The following EXOC4 variants were observed in gnomAD, a reference collection of about 807,000 sequenced individuals.
EXOC4 encodes SEC8-like 1.
In EXOC4, 71 loss-of-function variants were observed where a neutral mutation model predicts 107.2. The ratio of observed to expected loss-of-function variants is 0.66; its 90% CI spans 0.55 to 0.81. The LOEUF is 0.81. Ranked by LOEUF, EXOC4 falls within the 30% of genes least tolerant of loss-of-function variation. The pLI is 0.00. For synonymous variants in EXOC4, 456 were observed against 441.2 expected, an observed-to-expected ratio of 1.03 and a Z score of -0.42; for missense variants, 1,108 against 1,189.6, an observed-to-expected ratio of 0.93 and a Z score of 1.01.
chr7:133,987,541 G>A (rs138147717), intron 14 of EXOC4, among the ~76,000 whole-genome samples: 1 of 152,142 alleles, frequency 6.6e-6, no homozygotes, highest in Non-Finnish European at 1.5e-5. Context: ...TCCCAAGTTA[G>A]AGTAGAAAAC....
intron 10 of EXOC4, among the ~76,000 whole-genome samples, chr7:133,741,463 T>C: frequency 6.6e-6 from 1 of 152,202 alleles, no homozygotes; most frequent in Non-Finnish European, 1.5e-5. Flanking sequence ...CTGTCATAAT[T>C]ATTGTTCCTA....
intron 14 of EXOC4, among the ~76,000 whole-genome samples, chr7:133,945,940 G>A (rs61286514): frequency 0.3 from 45,846 of 152,070 alleles, 7,318 homozygotes; most frequent in Non-Finnish European, 0.34. Context: ...GGAATCTGTC[G>A]TGTTTCAGGT....
chr7:133,519,591 G>A (rs1405733774), intron 9 of EXOC4, among the ~76,000 whole-genome samples: 11 of 152,066 alleles, frequency 7.2e-5, no homozygotes. Flanking sequence ...ATGAGATACA[G>A]TTATTTAAAA....
chr7:134,071,910 G>A, the EXOC4 span, among the ~76,000 whole-genome samples: 15 of 152,192 alleles, frequency 9.9e-5, no homozygotes, highest in Admixed American at 5.2e-4. Flanking sequence ...AAGTGATACT[G>A]GTAGTCTGAC....
At chr7:134,037,662 T>G (rs944699418) in intron 17 of EXOC4, among the ~76,000 whole-genome samples, 2 of 152,154 alleles carry the variant, frequency 1.3e-5, no homozygotes, top group African/African-American at 4.8e-5. Context: ...TAGAAGGGGA[T>G]TATCCGCATC....
At chr7:133,474,403 G>C (rs1055319455) in intron 7 of EXOC4, among the ~76,000 whole-genome samples, 14 of 151,868 alleles carry the variant, frequency 9.2e-5, no homozygotes. Flanking sequence ...GCAACCTCTG[G>C]TTCAAGTGAT....
At chr7:133,398,460 C>T (rs998289589) in intron 7 of EXOC4, among the ~76,000 whole-genome samples, 1 of 152,166 alleles carries the variant, frequency 6.6e-6, no homozygotes, top group Non-Finnish European at 1.5e-5. Flanking sequence ...TCCTTTCAAT[C>T]CAGGATCTTA....
chr7:133,377,281 GA>G (rs1277361367), intron 7 of EXOC4, among the ~76,000 whole-genome samples: 1 of 152,178 alleles, frequency 6.6e-6, no homozygotes, highest in Non-Finnish European at 1.5e-5. Context: ...TTGAACCTAG[GA>G]GGTGGAGGTT....
chr7:133,884,612 TGTGTGTGTGCGCGC>T (rs1261056451), intron 11 of EXOC4, among the ~76,000 whole-genome samples: 1 of 150,016 alleles, frequency 6.7e-6, no homozygotes, highest in East Asian at 1.9e-4. Flanking sequence ...TGTGTGTGTG[TGTGTGTGTGCGCGC>T]GTGTGTGATG....
chr7:133,912,688 A>C (rs1799722296), intron 12 of EXOC4, among the ~76,000 whole-genome samples: 1 of 152,194 alleles, frequency 6.6e-6, no homozygotes, highest in Non-Finnish European at 1.5e-5. Flanking sequence ...CACTAGGGAC[A>C]GAAAAACTAA....
At chr7:133,765,990 G>A (rs1486878266) in intron 10 of EXOC4, among the ~76,000 whole-genome samples, 1 of 151,960 alleles carries the variant, frequency 6.6e-6, no homozygotes, top group Non-Finnish European at 1.5e-5. Flanking sequence ...TAAAACGAAA[G>A]TGAGGATGAT....
intron 10 of EXOC4, among the ~76,000 whole-genome samples, chr7:133,807,243 C>T (rs1797100247): frequency 6.6e-6 from 1 of 152,138 alleles, no homozygotes; most frequent in African/African-American, 2.4e-5. Context: ...ATTTTTTCAG[C>T]TGCCCAGTTT....
intron 9 of EXOC4, among the ~76,000 whole-genome samples, chr7:133,590,458 A>G (rs1563118919): frequency 6.6e-6 from 1 of 152,000 alleles, no homozygotes; most frequent in Non-Finnish European, 1.5e-5. Context: ...TGCAGCCCAA[A>G]GTCCTGTTTT....
intron 8 of EXOC4, among the ~76,000 whole-genome samples, chr7:133,476,739 C>T (rs1799022975): frequency 2.0e-5 from 3 of 152,242 alleles, no homozygotes; most frequent in East Asian, 3.9e-4. Flanking sequence ...CTGCAAGTAA[C>T]ATAAAACTTT....
intron 10 of EXOC4, among the ~76,000 whole-genome samples, chr7:133,673,007 A>G (rs1793981204): frequency 6.6e-6 from 1 of 152,130 alleles, no homozygotes; most frequent in Non-Finnish European, 1.5e-5. Flanking sequence ...TATAGCTGCT[A>G]CCTGTTGGAA....
At chr7:133,400,830 G>A (rs1170487623) in intron 7 of EXOC4, among the ~76,000 whole-genome samples, 1 of 152,138 alleles carries the variant, frequency 6.6e-6, no homozygotes, top group Non-Finnish European at 1.5e-5. Flanking sequence ...AGAGATAGGT[G>A]GAACATATAG....
chr7:133,796,995 A>G (rs1796831227), intron 10 of EXOC4, among the ~76,000 whole-genome samples: 1 of 152,202 alleles, frequency 6.6e-6, no homozygotes, highest in African/African-American at 2.4e-5. Flanking sequence ...TCTGATTGGA[A>G]AAAAGCAGCC....
chr7:133,591,469 G>A (rs1337979039), intron 9 of EXOC4, among the ~76,000 whole-genome samples: 2 of 151,996 alleles, frequency 1.3e-5, no homozygotes, highest in Non-Finnish European at 2.9e-5. Flanking sequence ...GCTATAGCAA[G>A]CTTATTTTGA....
At chr7:133,279,790 A>AT (rs1233512741) in intron 2 of EXOC4, among the ~76,000 whole-genome samples, 2 of 152,106 alleles carry the variant, frequency 1.3e-5, no homozygotes, top group Non-Finnish European at 2.9e-5. Flanking sequence ...AAGTGCTGGG[A>AT]TTATAGGCGT....
Sources: gnomAD v4.1 joint callset for allele counts (sites outside exome capture counted in the v4.1 genomes callset) on GRCh38, gnomAD v4.1.1 for gene constraint, MANE v1.5 for transcripts, NCBI Gene and HGNC (gene_info 2026-07-23, HGNC 2026-07-21) for gene names.